The following SLC38A10 variants were observed in gnomAD, a reference collection of about 807,000 sequenced individuals.
The protein encoded by SLC38A10 is solute carrier family 38 member 10.
SLC38A10 carries 53 observed loss-of-function variants against 81.0 expected under a neutral mutation model. That is an observed-to-expected ratio of 0.65 (90% CI 0.53 to 0.82). The LOEUF (loss-of-function observed/expected upper bound fraction) is 0.82, where lower values mean the gene tolerates loss of function less well. Ranked by LOEUF, SLC38A10 falls within the 40% of genes least tolerant of loss-of-function variation. SLC38A10 has a pLI of 0.00. For synonymous variants in SLC38A10, 665 were observed against 655.3 expected (o/e 1.01, Z -0.23); for missense variants, 1,471 against 1,545.0 (o/e 0.95, Z 0.80).
chr17:81,261,414 C>T lies in SLC38A10; in HGVS notation c.1132-1020G>A, dbSNP rs56289540. Reference sequence around the variant, plus strand: ...GCAGAGCCTGTGTGCACTGGCAAGGCGGACTTCTGTAGAGCCAAGGGGCTG... The same window carrying T: ...GCAGAGCCTGTGTGCACTGGCAAGGTGGACTTCTGTAGAGCCAAGGGGCTG... On this transcript the variant is annotated intron_variant, in intron 10 of 15. Coordinates refer to ENST00000374759, the MANE Select transcript of SLC38A10 (RefSeq NM_001037984.3). 1.6e-3 allele frequency among the ~76,000 whole-genome samples: 238 copies of T among 152,368 alleles called. 1 individual carries two copies. The highest frequency in any genetic ancestry group is 2.9e-3 in the Admixed American group (45 of 15,312).
At position 81,283,069 on chromosome 17, in the gene SLC38A10, T is replaced by C. The variant is rs143888674; in HGVS notation, c.357+340A>G. ...AGCCCCCAGAAGCTCTGGGTGACCA[T>C]GGAGGCCGGGGATGCCTGAGGGCCT... On this transcript the variant is annotated intron_variant, in intron 4 of 15. Transcript: ENST00000374759. The surrounding 1 kb of genome is among the most constrained non-coding windows in gnomAD (Gnocchi z 4.7). Among the ~76,000 whole-genome samples the C allele has an allele frequency of 0.012, 1,787 of 152,174 alleles. 21 individuals carry two copies. Among genetic ancestry groups the C allele is most frequent in the Non-Finnish European group, 0.017 (1,123 of 67,982 alleles).
intron 8 of SLC38A10, among the ~76,000 whole-genome samples, chr17:81,275,459 C>T (rs144217621): frequency 0.017 from 2,612 of 151,068 alleles, 39 homozygotes; most frequent in Non-Finnish European, 0.027. Flanking sequence ...GTGGGCCGGG[C>T]GCGGTGGCTC....
intron 10 of SLC38A10, among the ~76,000 whole-genome samples, chr17:81,269,041 A>T (rs1338510076): frequency 1.3e-5 from 2 of 152,250 alleles, no homozygotes; most frequent in Non-Finnish European, 2.9e-5. Flanking sequence ...AGGAGTATTT[A>T]ACACGATAAA....
intron 14 of SLC38A10, among the ~76,000 whole-genome samples, chr17:81,248,202 A>C (rs1250846357): frequency 6.6e-6 from 1 of 152,034 alleles, no homozygotes; most frequent in African/African-American, 2.4e-5. Flanking sequence ...CGTGATTCGC[A>C]CACCTCAGCC....
chr17:81,282,714 G>A lies in SLC38A10; in HGVS notation c.358-382C>T, dbSNP rs116372539. The stretch of plus-strand genomic sequence containing the variant: ...ACGGGCCCAAAGCTCTAGCTACAAA[G>A]GCCACTACGAAGCACGGAAAACGGA... On this transcript the variant is annotated intron_variant, in intron 4 of 15. Coordinates refer to ENST00000374759, the MANE Select transcript of SLC38A10 (RefSeq NM_001037984.3). Among the ~76,000 whole-genome samples, 1,124 of 152,304 alleles carry A rather than the reference G, an allele frequency of 7.4e-3. 17 individuals carry two copies. The highest frequency in any genetic ancestry group is 0.024 in the African/African-American group (1,017 of 41,560).
intron 11 of SLC38A10, among the ~76,000 whole-genome samples, chr17:81,258,810 A>G (rs558609157): frequency 6.6e-6 from 1 of 152,306 alleles, no homozygotes; most frequent in Non-Finnish European, 1.5e-5. Flanking sequence ...TTCCAGTCCG[A>G]ATTACCAAAT....
chr17:81,247,096 G>A (rs1215032859), intron 14 of SLC38A10, 35 bp from the exon 15 acceptor site: 3 of 1,551,524 alleles, frequency 1.9e-6, no homozygotes, highest in Non-Finnish European at 1.7e-6. Context: ...GAGTGCCCGG[G>A]CTGCTCATGC....
Position 81,245,259 on chromosome 17 carries a change from G to T in SLC38A10, c.*297C>A. Reference sequence around the variant, plus strand: ...GCAGCTCCCCAGCCTGAGCCTGGGAGTGCACCAGCCAGCTCGCAGCGGAGG... The same window carrying T: ...GCAGCTCCCCAGCCTGAGCCTGGGATTGCACCAGCCAGCTCGCAGCGGAGG... On this transcript the variant is annotated 3_prime_UTR_variant, in exon 16 of 16. Coordinates refer to ENST00000374759, the MANE Select transcript of SLC38A10 (RefSeq NM_001037984.3). The T allele has an allele frequency of 2.9e-6, 1 of 347,906 alleles. No homozygotes were observed. Among genetic ancestry groups the T allele is most frequent in the Non-Finnish European group, 5.2e-6 (1 of 190,806 alleles). The allele number at this position is 347,906 out of a possible 1,614,324, so 21.6% of individuals were successfully genotyped here. A position where few individuals can be genotyped will look rare whatever the true frequency, so the allele number is the denominator to read the frequency against.
rs1343261650 is a variant in SLC38A10, at chr17:81,277,384, C to T, written c.627-251G>A. On this transcript the variant is annotated intron_variant, in intron 6 of 15. Transcript: ENST00000374759. This position sits in a 1 kb window ranked among gnomAD's most constrained non-coding sequence, Gnocchi z 4.5. The stretch of plus-strand genomic sequence containing the variant: ...GCGAACATTCCCCAAGGCTACAGAA[C>T]GACAGGCTGCTGCTCCACGCCAGGG... 2.0e-5 allele frequency among the ~76,000 whole-genome samples: 3 copies of T among 152,214 alleles called. No individual in the cohort carries two copies. The highest frequency in any genetic ancestry group is 2.1e-4 in the South Asian group (1 of 4,834).
intron 9 of SLC38A10, among the ~76,000 whole-genome samples, chr17:81,271,226 G>T (rs898006458): frequency 2.0e-5 from 3 of 152,242 alleles, no homozygotes; most frequent in Non-Finnish European, 2.9e-5. Context: ...TTTAGGCCCC[G>T]GGGTGAATTC....
chr17:81,263,778 C>T (rs2063045157), intron 10 of SLC38A10: 2 of 152,348 alleles, frequency 1.3e-5, no homozygotes, highest in Admixed American at 6.5e-5. Flanking sequence ...GGGTCCATGC[C>T]TCATCCATGA....
intron 11 of SLC38A10, among the ~76,000 whole-genome samples, chr17:81,254,487 G>A (rs553366645): frequency 3.3e-5 from 5 of 152,214 alleles, no homozygotes; most frequent in South Asian, 2.1e-4. Flanking sequence ...CTGCTGTGTC[G>A]CCCAGGCTGG....
At chr17:81,255,969 G>A (rs529082368) in intron 11 of SLC38A10, among the ~76,000 whole-genome samples, 9 of 152,140 alleles carry the variant, frequency 5.9e-5, no homozygotes, top group African/African-American at 1.9e-4. Flanking sequence ...GCGACAGAGC[G>A]AGACTCCATC....
intron 10 of SLC38A10, among the ~76,000 whole-genome samples, chr17:81,268,948 A>C (rs190831207): frequency 2.0e-5 from 3 of 152,354 alleles, no homozygotes; most frequent in Admixed American, 1.3e-4. Context: ...GAAACAAGCT[A>C]TCCTGTGCAA....
rs151183795 is a variant in SLC38A10 at position 81,275,860 on chromosome 17, G to T, written c.912+109C>A. 5 of 1,314,570 alleles carry T rather than the reference G, an allele frequency of 3.8e-6. No individual in the cohort carries two copies. In the African/African-American group the frequency reaches 7.4e-5, roughly 19 times the overall value. The allele number at this position is 1,314,570 out of a possible 1,614,324, so 81.4% of individuals were successfully genotyped here. On this transcript the variant is annotated intron_variant, in intron 8 of 15. Coordinates refer to ENST00000374759, the MANE Select transcript of SLC38A10 (RefSeq NM_001037984.3). Reference sequence around the variant, plus strand: ...TCCGCCCTCCCGGGACTCCTCTGACGCAAATCCCCACTTTCCTGCTATATC... The same window carrying T: ...TCCGCCCTCCCGGGACTCCTCTGACTCAAATCCCCACTTTCCTGCTATATC...
intron 11 of SLC38A10, among the ~76,000 whole-genome samples, chr17:81,254,031 A>T (rs868302677): frequency 6.6e-6 from 1 of 151,994 alleles, no homozygotes; most frequent in Middle Eastern, 3.4e-3. Context: ...CATCACCGTC[A>T]CCTCCACCGT....
At chr17:81,263,339 G>GCTGC (rs1380016367) in intron 10 of SLC38A10, 1 of 152,338 alleles carries the variant, frequency 6.6e-6, no homozygotes, top group African/African-American at 2.4e-5. Context: ...GTACACACCT[G>GCTGC]CTGCCACCTC....
intron 10 of SLC38A10, chr17:81,264,873 C>A (rs1334822584): frequency 6.6e-6 from 1 of 152,222 alleles, no homozygotes; most frequent in Non-Finnish European, 1.5e-5. Context: ...CTTCCAAGAG[C>A]AGGGGCCAGC....
intron 2 of SLC38A10, 154 bp from the exon 3 acceptor site, chr17:81,285,049 G>C: frequency 1.8e-6 from 1 of 541,570 alleles, no homozygotes; most frequent in Non-Finnish European, 3.2e-6. Flanking sequence ...TGGCTGCCAG[G>C]TTATTTTTGG....
Sources: gnomAD v4.1 joint callset for allele counts (sites outside exome capture counted in the v4.1 genomes callset) on GRCh38, gnomAD v4.1.1 for gene constraint, Gnocchi (gnomAD v3.1) non-coding constraint, MANE v1.5 for transcripts, NCBI Gene and HGNC (gene_info 2026-07-23, HGNC 2026-07-21) for gene names.